CUBN: variants seen among roughly 807,000 people sequenced by gnomAD.
CUBN encodes 460 kDa receptor.
A neutral mutation model predicts 405.3 loss-of-function variants in CUBN; 282 were observed. The ratio of observed to expected loss-of-function variants is 0.70; its 90% CI spans 0.63 to 0.77. CUBN has a LOEUF of 0.77. Among genes scored for constraint, CUBN ranks in the 30% least tolerant of loss-of-function variants. CUBN has a pLI of 0.00. For missense variants in CUBN, 4,514 were observed against 4,475.2 expected, an observed-to-expected ratio of 1.01 and a Z score of -0.25; for synonymous variants, 1,684 against 1,617.0, an observed-to-expected ratio of 1.04 and a Z score of -0.99.
chr10:16,919,837 G>A (rs998668934), intron 44 of CUBN, 126 bp downstream of exon 44: 1 of 1,045,882 alleles, frequency 9.6e-7, no homozygotes, highest in Non-Finnish European at 1.4e-6. Context: ...GAGCCATTAA[G>A]CATTTCCCTT....
intron 27 of CUBN, among the ~76,000 whole-genome samples, chr10:17,022,421 C>T (rs922934345): frequency 6.6e-6 from 1 of 152,066 alleles, no homozygotes; most frequent in African/African-American, 2.4e-5. Flanking sequence ...GTTTTTCGTA[C>T]TGCTGCTTTG....
intron 60 of CUBN, among the ~76,000 whole-genome samples, chr10:16,842,837 G>T (rs1335404158): frequency 6.6e-6 from 1 of 152,116 alleles, no homozygotes; most frequent in African/African-American, 2.4e-5. Context: ...ACACCTCACT[G>T]CTAGCTGCAC....
rs1354964484 is a variant in CUBN at position 16,869,820 on chromosome 10, G to C, written c.9270C>G (p.Ser3090=). The change falls in exon 59 of 67, where the codon TCC becomes TCG. Residue 3090 remains serine (S), a synonymous_variant. Transcript: ENST00000377833. Reference sequence around the variant, plus strand: ...AAATTGCCAGGTAGTCATGGGAGCAGGAGGTGGAGGGAACCACATCAAAAT... The same window carrying C: ...AAATTGCCAGGTAGTCATGGGAGCACGAGGTGGAGGGAACCACATCAAAAT... ...FSDFDVVPST[S]CSHDYLAIYD... 5.6e-6 allele frequency: 9 copies of C among 1,613,852 alleles called. No homozygotes were observed. In the South Asian group the frequency reaches 6.6e-5, roughly 12 times the overall value.
At position 17,111,060 on chromosome 10, in the gene CUBN, C is replaced by A; in HGVS notation, c.884-10G>T. 6.2e-7 allele frequency: 1 copy of A among 1,614,010 alleles called. No homozygotes were observed. Among genetic ancestry groups the A allele is most frequent in the East Asian group, 2.2e-5 (1 of 44,880 alleles). ...CCATTGCCTTGCCAGCCTAGGAAAA[C>A]AAGAGGATTTAAAAGTTTAGCTCTA... On this transcript the variant is annotated splice_polypyrimidine_tract_variant and intron_variant, in intron 8 of 66. Coordinates refer to ENST00000377833, the MANE Select transcript of CUBN (RefSeq NM_001081.4).
chr10:16,866,008 T>G (rs1326351194), intron 59 of CUBN, among the ~76,000 whole-genome samples: 1 of 152,010 alleles, frequency 6.6e-6, no homozygotes, highest in Non-Finnish European at 1.5e-5. Context: ...GGGTGCGTCT[T>G]CCCCATCTGT....
chr10:17,022,606 G>A (rs1159614959), intron 27 of CUBN, among the ~76,000 whole-genome samples: 1 of 152,178 alleles, frequency 6.6e-6, no homozygotes, highest in East Asian at 1.9e-4. Context: ...TGCAGGCGGA[G>A]AAACCGGAGG....
At chr10:17,051,791 TA>T (rs1158661041) in intron 22 of CUBN, among the ~76,000 whole-genome samples, 2 of 150,714 alleles carry the variant, frequency 1.3e-5, no homozygotes, top group African/African-American at 2.4e-5. Context: ...GACAGATATT[TA>T]AAAAAACAAA....
At chr10:16,838,175 A>G (rs892719328) in intron 62 of CUBN, among the ~76,000 whole-genome samples, 2 of 152,186 alleles carry the variant, frequency 1.3e-5, no homozygotes, top group Admixed American at 6.5e-5. Context: ...TCCAGGGTCT[A>G]TTCAGCTGCC....
chr10:17,028,755 A>G (rs748164916), intron 27 of CUBN, among the ~76,000 whole-genome samples: 16 of 151,868 alleles, frequency 1.1e-4, no homozygotes, highest in Middle Eastern at 3.4e-3. Context: ...AAAAAATAAT[A>G]AATAAATAAA....
At chr10:17,127,473 C>T (rs541771968) in intron 3 of CUBN, among the ~76,000 whole-genome samples, 1 of 135,832 alleles carries the variant, frequency 7.4e-6, no homozygotes, top group South Asian at 2.4e-4. Context: ...CGGAGTCTCA[C>T]TATGTGGCCC....
At chr10:16,993,208 C>T (rs184169814) in intron 28 of CUBN, among the ~76,000 whole-genome samples, 52 of 152,218 alleles carry the variant, frequency 3.4e-4, no homozygotes, top group African/African-American at 1.2e-3. Context: ...TGGAAAAAAT[C>T]TAGAGGAAAA....
In CUBN at chr10:17,128,370, G is replaced by A. The variant is rs575487396; in HGVS notation, c.253-446C>T. ...AGGTCAAATGAGATAACATCCATAC[G>A]GTGCTAAGCACAGTGGATGGCCCAC... On this transcript the variant is annotated intron_variant, in intron 2 of 66. Transcript: ENST00000377833. Among the ~76,000 whole-genome samples the A allele has an allele frequency of 6.8e-4, 104 of 152,238 alleles. No homozygotes were observed. The South Asian group carries it at 8.9e-3, about 13-fold the overall frequency.
intron 28 of CUBN, among the ~76,000 whole-genome samples, chr10:17,002,972 C>T (rs1397545819): frequency 6.6e-6 from 1 of 152,106 alleles, no homozygotes; most frequent in African/African-American, 2.4e-5. Context: ...TTCCAGTCTC[C>T]ATGCTTAAAA....
At chr10:16,903,530 T>C (rs1022718560) in intron 51 of CUBN, among the ~76,000 whole-genome samples, 4 of 151,398 alleles carry the variant, frequency 2.6e-5, no homozygotes, top group African/African-American at 4.8e-5. Context: ...AGACAACATA[T>C]TAAAACTAAT....
chr10:16,856,263 C>A (rs971730656), intron 59 of CUBN, among the ~76,000 whole-genome samples: 1 of 152,156 alleles, frequency 6.6e-6, no homozygotes, highest in Non-Finnish European at 1.5e-5. Flanking sequence ...TCCATCAGCA[C>A]CTGCCTCATC....
intron 28 of CUBN, among the ~76,000 whole-genome samples, chr10:17,019,065 A>G (rs994074532): frequency 4.6e-5 from 7 of 152,072 alleles, no homozygotes; most frequent in Non-Finnish European, 7.4e-5. Flanking sequence ...TAGGCCTGGG[A>G]TGGGGCCCAA....
At position 16,958,476 on chromosome 10, in the gene CUBN, C is replaced by T. The variant is rs551023960; in HGVS notation, c.4696-3928G>A. Among the ~76,000 whole-genome samples the T allele has an allele frequency of 3.9e-4, 60 of 152,222 alleles. 2 individuals are homozygous for T. The highest frequency in any genetic ancestry group is 7.1e-4 in the Non-Finnish European group (48 of 68,024). ...AGGAGGCAGAGGTTGCAGTGAGCTG[C>T]GATTGCACCACTGCACTCCATCATG... On this transcript the variant is annotated intron_variant, in intron 31 of 66. Coordinates refer to ENST00000377833, the MANE Select transcript of CUBN (RefSeq NM_001081.4).
chr10:16,949,464 T>TGTGTGTGTGTGTGTGTGTG (rs1554798711), intron 34 of CUBN, among the ~76,000 whole-genome samples: 5 of 71,582 alleles, frequency 7.0e-5, no homozygotes, highest in African/African-American at 1.5e-4. Context: ...TGTGTGTGTG[T>TGTGTGTGTGTGTGTGTGTG]AGTGTGTGTG....
intron 29 of CUBN, among the ~76,000 whole-genome samples, chr10:16,986,215 G>C (rs1588552546): frequency 6.6e-6 from 1 of 152,198 alleles, no homozygotes; most frequent in Non-Finnish European, 1.5e-5. Context: ...CTCAGGACCA[G>C]AGCCAGGAAG....
Sources: allele counts gnomAD v4.1 joint callset (sites outside exome capture counted in the v4.1 genomes callset), GRCh38; gene constraint gnomAD v4.1.1; transcripts MANE v1.5; gene names NCBI Gene and HGNC (gene_info 2026-07-23, HGNC 2026-07-21).